The following CAMKMT variants were observed in gnomAD, a reference collection of about 807,000 sequenced individuals.
CAMKMT encodes calmodulin-lysine N-methyltransferase.
CAMKMT carries 53 observed loss-of-function variants against 48.0 expected under a neutral mutation model. The ratio of observed to expected loss-of-function variants is 1.10; its 90% CI spans 0.89 to 1.39. The LOEUF is 1.39. CAMKMT is among the 40% of genes most tolerant of loss of function. CAMKMT has a pLI of 0.00. For missense variants in CAMKMT, 428 were observed against 402.7 expected (o/e 1.06, Z -0.54); for synonymous variants, 165 against 152.3 (o/e 1.08, Z -0.61).
intron 3 of CAMKMT, among the ~76,000 whole-genome samples, chr2:44,543,105 A>G (rs1286840864): frequency 1.3e-5 from 2 of 152,174 alleles, no homozygotes; most frequent in African/African-American, 2.4e-5. Flanking sequence ...ATGTTCATTT[A>G]TATGTGATTT....
At chr2:44,674,388 A>G (rs1675547574) in intron 3 of CAMKMT, among the ~76,000 whole-genome samples, 1 of 152,232 alleles carries the variant, frequency 6.6e-6, no homozygotes, top group African/African-American at 2.4e-5. Flanking sequence ...GACTGCAGGG[A>G]CCATCTTAGT....
chr2:44,498,286 G>T (rs1485925203), intron 3 of CAMKMT, among the ~76,000 whole-genome samples: 2 of 152,182 alleles, frequency 1.3e-5, no homozygotes, highest in African/African-American at 2.4e-5. Context: ...TAGCTATTCA[G>T]TTTCTCAGTT....
intron 3 of CAMKMT, among the ~76,000 whole-genome samples, chr2:44,703,585 T>G (rs1162087201): frequency 6.6e-6 from 1 of 151,800 alleles, no homozygotes; most frequent in Non-Finnish European, 1.5e-5. Context: ...CGAGACCAGC[T>G]TGACCAACAT....
intron 3 of CAMKMT, among the ~76,000 whole-genome samples, chr2:44,683,778 G>T (rs191711646): frequency 7.9e-6 from 1 of 126,184 alleles, no homozygotes; most frequent in Non-Finnish European, 1.6e-5. Flanking sequence ...AGCCGAGATC[G>T]CGCCACTGCA....
At chr2:44,708,120 G>A (rs1451013147) in intron 6 of CAMKMT, among the ~76,000 whole-genome samples, 3 of 149,380 alleles carry the variant, frequency 2.0e-5, no homozygotes, top group Non-Finnish European at 3.0e-5. Context: ...AAGCATAAAT[G>A]TAGCTACTTT....
chr2:44,633,803 A>T (rs1212757918), intron 3 of CAMKMT, among the ~76,000 whole-genome samples: 1 of 152,092 alleles, frequency 6.6e-6, no homozygotes, highest in Non-Finnish European at 1.5e-5. Flanking sequence ...AACATCTAGT[A>T]AGTTTTTGAG....
intron 3 of CAMKMT, among the ~76,000 whole-genome samples, chr2:44,583,052 T>A (rs188197326): frequency 6.6e-6 from 1 of 152,204 alleles, no homozygotes; most frequent in Non-Finnish European, 1.5e-5. Context: ...ATACATATAA[T>A]ACATAATAGT....
At chr2:44,483,676 G>T (rs752673398) in intron 3 of CAMKMT, among the ~76,000 whole-genome samples, 1 of 152,076 alleles carries the variant, frequency 6.6e-6, no homozygotes, top group African/African-American at 2.4e-5. Flanking sequence ...TGCTGTTTCA[G>T]TTCTCAATAT....
rs538219929 is a variant in CAMKMT, at chr2:44,522,370, T to C, written c.376+132065T>C. On this transcript the variant is annotated intron_variant, in intron 3 of 10. Coordinates refer to ENST00000378494, the MANE Select transcript of CAMKMT (RefSeq NM_024766.5). ...AACTGATACAATTCCTTTAAAAATTTTGTAGGTTTACTGTGTATGTTACAA... is the reference window on the plus strand; with the variant it reads ...AACTGATACAATTCCTTTAAAAATTCTGTAGGTTTACTGTGTATGTTACAA... Among the ~76,000 whole-genome samples, 21 of 152,296 alleles carry C rather than the reference T, an allele frequency of 1.4e-4. No homozygotes were observed. The South Asian group carries it at 4.2e-3, about 30-fold the overall frequency.
At chr2:44,770,581 T>G (rs987613514) in intron 10 of CAMKMT, among the ~76,000 whole-genome samples, 1 of 152,204 alleles carries the variant, frequency 6.6e-6, no homozygotes, top group Non-Finnish European at 1.5e-5. Flanking sequence ...AGAATTGAGC[T>G]AGCTTGGTCC....
At chr2:44,472,139 C>T (rs1358043096) in intron 3 of CAMKMT, among the ~76,000 whole-genome samples, 2 of 152,122 alleles carry the variant, frequency 1.3e-5, no homozygotes, top group African/African-American at 4.8e-5. Context: ...GGTACAATCT[C>T]GGCTAACTGC....
At chr2:44,727,597 A>C (rs1411854466) in intron 7 of CAMKMT, among the ~76,000 whole-genome samples, 2 of 152,090 alleles carry the variant, frequency 1.3e-5, no homozygotes, top group African/African-American at 4.8e-5. Context: ...GATACCTTTT[A>C]TTTCTTTCTC....
At chr2:44,544,014 A>G (rs371476730) in intron 3 of CAMKMT, among the ~76,000 whole-genome samples, 4 of 152,202 alleles carry the variant, frequency 2.6e-5, no homozygotes, top group East Asian at 3.8e-4. Flanking sequence ...ATGAGATTCC[A>G]TACACTTTCT....
At chr2:44,726,316 G>A (rs910749525) in intron 7 of CAMKMT, among the ~76,000 whole-genome samples, 1 of 152,126 alleles carries the variant, frequency 6.6e-6, no homozygotes, top group Non-Finnish European at 1.5e-5. Flanking sequence ...TTTAAGAATA[G>A]CCATTCTGAC....
chr2:44,456,410 A>T (rs113224000), intron 3 of CAMKMT, among the ~76,000 whole-genome samples: 1,602 of 152,260 alleles, frequency 0.011, 33 homozygotes, highest in African/African-American at 0.037. Flanking sequence ...GTTGTAGAAG[A>T]ATATTTAGGT....
Position 44,422,805 on chromosome 2 carries a change from T to C in CAMKMT, c.376+32500T>C, listed in dbSNP as rs111705781. On this transcript the variant is annotated intron_variant, in intron 3 of 10. Coordinates refer to ENST00000378494, the MANE Select transcript of CAMKMT (RefSeq NM_024766.5). Reference sequence around the variant, plus strand: ...AAGTTTTGTCTCCCAGTTGACACTCTAATGGAGTTTCCAGTTCAGCTTCTC... The same window carrying C: ...AAGTTTTGTCTCCCAGTTGACACTCCAATGGAGTTTCCAGTTCAGCTTCTC... Among the ~76,000 whole-genome samples, 438 of 152,312 alleles carry C rather than the reference T, an allele frequency of 2.9e-3. 1 individual carries two copies. The highest frequency in any genetic ancestry group is 0.027 in the Middle Eastern group (8 of 294).
intron 3 of CAMKMT, among the ~76,000 whole-genome samples, chr2:44,420,675 A>T (rs986996994): frequency 6.6e-6 from 1 of 152,046 alleles, no homozygotes; most frequent in Non-Finnish European, 1.5e-5. Context: ...CTGCATTATT[A>T]CTAAACCCTA....
chr2:44,414,968 A>G (rs1474628094), intron 3 of CAMKMT, among the ~76,000 whole-genome samples: 1 of 152,218 alleles, frequency 6.6e-6, no homozygotes, highest in Non-Finnish European at 1.5e-5. Context: ...ATCCTGGCCA[A>G]CATGGTAAAA....
chr2:44,656,862 A>T (rs905850327), intron 3 of CAMKMT, among the ~76,000 whole-genome samples: 1 of 152,180 alleles, frequency 6.6e-6, no homozygotes, highest in African/African-American at 2.4e-5. Context: ...TTATATTCGA[A>T]CAATGTGATC....
Sources: gnomAD v4.1 joint callset for allele counts (sites outside exome capture counted in the v4.1 genomes callset) on GRCh38, gnomAD v4.1.1 for gene constraint, MANE v1.5 for transcripts, NCBI Gene and HGNC (gene_info 2026-07-23, HGNC 2026-07-21) for gene names.